ANO3: variants seen among roughly 807,000 people sequenced by gnomAD.
ANO3 encodes anoctamin-3.
ANO3 carries 99 observed loss-of-function variants against 144.8 expected under a neutral mutation model. The observed-to-expected ratio is 0.68, with a 90% CI of 0.58 to 0.81. The LOEUF (loss-of-function observed/expected upper bound fraction) is 0.81, where lower values mean the gene tolerates loss of function less well. Among genes scored for constraint, ANO3 ranks in the 30% least tolerant of loss-of-function variants. The pLI is 0.00. For missense variants in ANO3, 905 were observed against 1,202.2 expected (o/e 0.75, Z 3.66); for synonymous variants, 414 against 392.6 (o/e 1.05, Z -0.64).
chr11:26,323,353 T>G (rs1854805864), intron 1 of ANO3, among the ~76,000 whole-genome samples: 1 of 152,296 alleles, frequency 6.6e-6, no homozygotes, highest in African/African-American at 2.4e-5. Flanking sequence ...TTTGTTTTAC[T>G]GTGTATGCAT....
At chr11:26,281,177 C>T (rs947579947) in intron 1 of ANO3, among the ~76,000 whole-genome samples, 2 of 152,036 alleles carry the variant, frequency 1.3e-5, no homozygotes, top group Admixed American at 6.6e-5. Flanking sequence ...TATAGAAAGG[C>T]TAAGTAATTT....
chr11:26,485,287 T>G (rs1045705704), intron 4 of ANO3, among the ~76,000 whole-genome samples: 13 of 151,934 alleles, frequency 8.6e-5, no homozygotes, highest in Non-Finnish European at 2.9e-5. Context: ...ACAGACCTGG[T>G]GGAATGGGAA....
intron 4 of ANO3, among the ~76,000 whole-genome samples, chr11:26,487,872 A>C (rs888475406): frequency 6.6e-6 from 1 of 152,208 alleles, no homozygotes; most frequent in Non-Finnish European, 1.5e-5. Context: ...TGCTATTAAA[A>C]GCATCACATT....
At chr11:26,514,407 G>A (rs1318551039) in intron 5 of ANO3, among the ~76,000 whole-genome samples, 1 of 152,020 alleles carries the variant, frequency 6.6e-6, no homozygotes, top group Non-Finnish European at 1.5e-5. Context: ...CACTTTATGA[G>A]GTGACCAATC....
chr11:26,533,060 C>T (rs756259181), intron 8 of ANO3, among the ~76,000 whole-genome samples: 6 of 152,132 alleles, frequency 3.9e-5, no homozygotes, highest in Non-Finnish European at 5.9e-5. Flanking sequence ...GAATTTGGTA[C>T]ATCCAAGTAC....
intron 1 of ANO3, among the ~76,000 whole-genome samples, chr11:26,409,694 T>G (rs892146006): frequency 1.5e-4 from 23 of 152,042 alleles, no homozygotes; most frequent in African/African-American, 5.1e-4. Context: ...TCATCTACTT[T>G]TTTCTTATCA....
chr11:26,574,891 T>C (rs950882108), intron 14 of ANO3, among the ~76,000 whole-genome samples: 1 of 152,092 alleles, frequency 6.6e-6, no homozygotes, highest in Non-Finnish European at 1.5e-5. Context: ...CATATACATA[T>C]ATGCAAGTAT....
chr11:26,553,595 AC>A (rs1254519433), intron 13 of ANO3, among the ~76,000 whole-genome samples: 2 of 152,292 alleles, frequency 1.3e-5, no homozygotes, highest in East Asian at 3.9e-4. Flanking sequence ...ATAAACTTCC[AC>A]ATGTAATTAT....
chr11:26,428,677 A>C (rs1418787901), intron 1 of ANO3, among the ~76,000 whole-genome samples: 1 of 152,146 alleles, frequency 6.6e-6, no homozygotes, highest in Non-Finnish European at 1.5e-5. Context: ...ACCAAAGATG[A>C]TCAATCTAAG....
chr11:26,469,541 G>A (rs915629364), intron 4 of ANO3, among the ~76,000 whole-genome samples: 5 of 151,806 alleles, frequency 3.3e-5, no homozygotes, highest in Non-Finnish European at 5.9e-5. Flanking sequence ...TGAATATATT[G>A]AAAACAAAGC....
intron 17 of ANO3, among the ~76,000 whole-genome samples, chr11:26,620,450 A>G (rs1229440678): frequency 6.6e-6 from 1 of 151,744 alleles, no homozygotes; most frequent in Non-Finnish European, 1.5e-5. Context: ...AATGTTATTA[A>G]AATCAAATTT....
chr11:26,505,490 C>T (rs1000221001), intron 4 of ANO3, among the ~76,000 whole-genome samples: 1 of 152,022 alleles, frequency 6.6e-6, no homozygotes, highest in Non-Finnish European at 1.5e-5. Flanking sequence ...GAAGAAATCA[C>T]AAGGAGGGAG....
At chr11:26,628,533 A>G (rs1268798695) in intron 18 of ANO3, among the ~76,000 whole-genome samples, 1 of 152,212 alleles carries the variant, frequency 6.6e-6, no homozygotes, top group Admixed American at 6.5e-5. Context: ...CCAATTCAAA[A>G]TGATCCACAA....
chr11:26,385,903 T>TATATATATA (rs58078292), intron 1 of ANO3, among the ~76,000 whole-genome samples: 147 of 148,868 alleles, frequency 9.9e-4, no homozygotes, highest in African/African-American at 3.3e-3. Flanking sequence ...GTATATATAT[T>TATATATATA]TATATACATA....
chr11:26,309,844 A>G (rs1164146352), intron 1 of ANO3: 1 of 232,412 alleles, frequency 4.3e-6, no homozygotes, highest in Non-Finnish European at 7.1e-6. Flanking sequence ...TCATGTTAAT[A>G]ATTACCATAT....
chr11:26,291,059 T>C (rs879317720), intron 1 of ANO3, among the ~76,000 whole-genome samples: 69 of 152,286 alleles, frequency 4.5e-4, no homozygotes, highest in Admixed American at 1.7e-3. Flanking sequence ...TCTTTGTAGG[T>C]CTCTAAGGAC....
At chr11:26,577,838 C>T (rs1851030436) in intron 14 of ANO3, among the ~76,000 whole-genome samples, 2 of 151,864 alleles carry the variant, frequency 1.3e-5, no homozygotes, top group Admixed American at 1.3e-4. Flanking sequence ...TAATGATTGC[C>T]CATTAGGATA....
At chr11:26,565,431 G>A (rs779684100) in intron 14 of ANO3, 1 of 1,613,416 alleles carries the variant, frequency 6.2e-7, no homozygotes, top group East Asian at 2.2e-5. Context: ...TGAAGACAGA[G>A]CAGGTGTAGC....
At chr11:26,602,489 A>G (rs11029630) in intron 17 of ANO3, among the ~76,000 whole-genome samples, 67,464 of 151,980 alleles carry the variant, frequency 0.44, 15,847 homozygotes, top group East Asian at 0.68. Flanking sequence ...CACTTTGGGA[A>G]GTCAAGGCAG....
Sources: allele counts gnomAD v4.1 joint callset (sites outside exome capture counted in the v4.1 genomes callset), GRCh38; gene constraint gnomAD v4.1.1; transcripts MANE v1.5; gene names NCBI Gene and HGNC (gene_info 2026-07-23, HGNC 2026-07-21).